The following GSE1 variants were observed in gnomAD, a reference collection of about 807,000 sequenced individuals.
GSE1 encodes the protein genetic suppressor element 1.
Under a neutral mutation model 112.6 loss-of-function variants are expected in GSE1, and 32 were observed. That is an observed-to-expected ratio of 0.28 (90% CI 0.21 to 0.38). The LOEUF (loss-of-function observed/expected upper bound fraction) is 0.38, where lower values mean the gene tolerates loss of function less well. Ranked by LOEUF, GSE1 falls within the 10% of genes least tolerant of loss-of-function variation. The probability of loss-of-function intolerance (pLI) is 1.00; values close to 1 mark genes in which losing one functional copy is unlikely to be tolerated. For missense variants in GSE1, 2,348 were observed against 1,699.2 expected, an observed-to-expected ratio of 1.38 and a Z score of -6.71; for synonymous variants, 1,115 against 735.6, an observed-to-expected ratio of 1.52 and a Z score of -8.35.
intron 2 of GSE1, among the ~76,000 whole-genome samples, chr16:85,420,981 C>A (rs1343558741): frequency 6.6e-6 from 1 of 152,224 alleles, no homozygotes; most frequent in Non-Finnish European, 1.5e-5. Context: ...GCCGCCACCG[C>A]CTGTGCCACG....
At chr16:85,269,910 G>A (rs1233950271) in intron 1 of GSE1, among the ~76,000 whole-genome samples, 4 of 149,710 alleles carry the variant, frequency 2.7e-5, no homozygotes, top group South Asian at 2.1e-4. Context: ...ATGTAGCTGC[G>A]TTCTGTGGAC....
chr16:85,265,730 T>C (rs187587919), intron 1 of GSE1, among the ~76,000 whole-genome samples: 569 of 152,154 alleles, frequency 3.7e-3, no homozygotes, highest in Non-Finnish European at 6.4e-3. Context: ...GATCAGGCCA[T>C]TGGGGGGCTC....
chr16:85,424,857 C>T (rs2048932068), intron 2 of GSE1, among the ~76,000 whole-genome samples: 1 of 152,256 alleles, frequency 6.6e-6, no homozygotes, highest in African/African-American at 2.4e-5. Context: ...TCACTTACAG[C>T]GATCAGTGGA....
In GSE1 at chr16:85,672,569, A is replaced by T; in HGVS notation, c.*30A>T. ...TTCCCTTGCACTAGGCCGAACCTAT[A>T]GTATAGAAATATTATCTATTTTATT... On this transcript the variant is annotated 3_prime_UTR_variant, in exon 16 of 16. Transcript: ENST00000253458. 1 of 1,485,802 alleles carries T rather than the reference A, an allele frequency of 6.7e-7. No individual in the cohort carries two copies. The highest frequency in any genetic ancestry group is 9.2e-7 in the Non-Finnish European group (1 of 1,091,904). The allele number at this position is 1,485,802 out of a possible 1,614,324, so 92.0% of individuals were successfully genotyped here. A position where few individuals can be genotyped will look rare whatever the true frequency, so the allele number is the denominator to read the frequency against.
rs1185764713 is a variant in GSE1, at chr16:85,556,023, C to G, written c.-304C>G. The G allele has an allele frequency of 3.0e-6, 3 of 985,066 alleles. No individual in the cohort carries two copies. The East Asian group carries it at 3.4e-4, about 112-fold the overall frequency. 61.0% of individuals were successfully genotyped at this position (985,066 alleles called of 1,614,324 possible). ...CACGCGGCGAAGACACCCGGGCAGC[C>G]GTGGAGGCTCCGGCCCGTCCTTGGT... On this transcript the variant is annotated 5_prime_UTR_variant, in exon 1 of 3. Transcript: ENST00000635906.
chr16:85,654,473 C>T (rs573437626), intron 4 of GSE1, 23 bp downstream of exon 4: 32 of 1,549,792 alleles, frequency 2.1e-5, no homozygotes, highest in South Asian at 2.0e-4. Flanking sequence ...GCGGGGACTT[C>T]GGTGAGGTGG....
intron 1 of GSE1, among the ~76,000 whole-genome samples, chr16:85,601,092 A>G (rs1346255969): frequency 6.6e-6 from 1 of 152,058 alleles, no homozygotes; most frequent in Non-Finnish European, 1.5e-5. Flanking sequence ...CAGGGTTTGA[A>G]TAAAGGAGAT....
At chr16:85,493,127 G>T (rs1256122581) in intron 2 of GSE1, among the ~76,000 whole-genome samples, 2 of 152,210 alleles carry the variant, frequency 1.3e-5, no homozygotes, top group African/African-American at 2.4e-5. Flanking sequence ...GTGTTCTCCA[G>T]GGAGGGGCGA....
intron 1 of GSE1, among the ~76,000 whole-genome samples, chr16:85,236,109 C>A (rs1180590102): frequency 6.6e-6 from 1 of 152,084 alleles, no homozygotes; most frequent in African/African-American, 2.4e-5. Flanking sequence ...GTGTGGCTCC[C>A]GGGCAGGCTG....
At chr16:85,431,442 G>A (rs116281901) in intron 2 of GSE1, among the ~76,000 whole-genome samples, 1,974 of 152,332 alleles carry the variant, frequency 0.013, 37 homozygotes, top group African/African-American at 0.045. Flanking sequence ...CAATTCTTAC[G>A]TTACCGCGGG....
chr16:85,486,061 A>T (rs1444471856), intron 2 of GSE1, among the ~76,000 whole-genome samples: 2 of 152,114 alleles, frequency 1.3e-5, no homozygotes, highest in African/African-American at 4.8e-5. Context: ...CAGTGCAGTG[A>T]GGGTGCCCAC....
chr16:85,197,833 AG>A (rs2074957175), intron 1 of GSE1, among the ~76,000 whole-genome samples: 1 of 152,128 alleles, frequency 6.6e-6, no homozygotes, highest in Admixed American at 6.5e-5. Context: ...GAGCAGAGAG[AG>A]GGTTTGTCCG....
At position 85,478,927 on chromosome 16, in the gene GSE1, C is replaced by CTTTTCTTTCTT. The variant is rs1285190496; in HGVS notation, c.2464+121285_2464+121286insTTTCTTTCTTT. 3.0e-3 allele frequency among the ~76,000 whole-genome samples: 85 copies of CTTTTCTTTCTT among 28,058 alleles called. 12 individuals are homozygous for CTTTTCTTTCTT. The highest frequency in any genetic ancestry group is 0.012 in the African/African-American group (80 of 6,532). 18.4% of individuals were successfully genotyped at this position (28,058 alleles called of 152,430 possible). A position where few individuals can be genotyped will look rare whatever the true frequency, so the allele number is the denominator to read the frequency against. Reference sequence around the variant, plus strand: ...TCTTTCTTTCTTTCTTTCTTTCTTTCTCTTTCTTTCTTTCTTTCTTTTTTT... The same window carrying CTTTTCTTTCTT: ...TCTTTCTTTCTTTCTTTCTTTCTTTCTTTTCTTTCTTTCTTTCTTTCTTTCTTTCTTTTTTT... On this transcript the variant is annotated intron_variant, in intron 2 of 2. Coordinates refer to the GSE1 transcript ENST00000637419.
At chr16:85,590,224 T>C (rs1483645604) in intron 1 of GSE1, among the ~76,000 whole-genome samples, 3 of 151,934 alleles carry the variant, frequency 2.0e-5, no homozygotes, top group Non-Finnish European at 4.4e-5. Context: ...ATGTGTGACC[T>C]TGTGTGCGTG....
chr16:85,572,061 C>T (rs2046005184), intron 1 of GSE1, among the ~76,000 whole-genome samples: 1 of 150,772 alleles, frequency 6.6e-6, no homozygotes, highest in African/African-American at 2.4e-5. Flanking sequence ...TACCACACAC[C>T]ATACACACAA....
chr16:85,554,989 G>C (rs910156393), upstream of GSE1: 12 of 985,202 alleles, frequency 1.2e-5, no homozygotes, highest in Non-Finnish European at 1.4e-5. Flanking sequence ...CTCCCCGTCC[G>C]CATGGATCTG....
chr16:85,308,369 T>C (rs565771554), intron 1 of GSE1, among the ~76,000 whole-genome samples: 1 of 152,230 alleles, frequency 6.6e-6, no homozygotes, highest in African/African-American at 2.4e-5. Flanking sequence ...GCCTTTTACT[T>C]CTTAAGGCTC....
At chr16:85,334,937 AC>A (rs1567695776) in intron 1 of GSE1, among the ~76,000 whole-genome samples, 2 of 152,176 alleles carry the variant, frequency 1.3e-5, no homozygotes. Context: ...CTTTATCTGC[AC>A]AGCAAGACAA....
Position 85,631,253 on chromosome 16 carries a change from G to A in GSE1, c.8-2661G>A, listed in dbSNP as rs1226498576. 3.3e-5 allele frequency among the ~76,000 whole-genome samples: 5 copies of A among 152,216 alleles called. No homozygotes were observed. The East Asian group carries it at 9.6e-4, about 29-fold the overall frequency. On this transcript the variant is annotated intron_variant, in intron 1 of 15. Coordinates refer to ENST00000253458, the MANE Select transcript of GSE1 (RefSeq NM_014615.5). ...CTTCGGTGACAGATAGGACCCGGAG[G>A]TCCTCTGGACTGCCCATGGCAGCCC...
Sources: allele counts gnomAD v4.1 joint callset (sites outside exome capture counted in the v4.1 genomes callset), GRCh38; gene constraint gnomAD v4.1.1; transcripts MANE v1.5; gene names NCBI Gene and HGNC (gene_info 2026-07-23, HGNC 2026-07-21).